TGFBR3: variants seen among roughly 807,000 people sequenced by gnomAD.
TGFBR3 encodes the protein transforming growth factor beta receptor 3, also known as transforming growth factor beta receptor type 3.
Under a neutral mutation model 87.9 loss-of-function variants are expected in TGFBR3, and 46 were observed. The observed-to-expected ratio is 0.52, with a 90% CI of 0.41 to 0.67. The LOEUF (loss-of-function observed/expected upper bound fraction) is 0.67. TGFBR3 is among the 30% of genes least tolerant of loss of function. The pLI is 0.00. For synonymous variants in TGFBR3, 381 were observed against 391.6 expected, an observed-to-expected ratio of 0.97 and a Z score of 0.32; for missense variants, 866 against 1,041.9, an observed-to-expected ratio of 0.83 and a Z score of 2.32.
chr1:91,804,957 G>A (rs536862451), intron 2 of TGFBR3, among the ~76,000 whole-genome samples: 3 of 152,334 alleles, frequency 2.0e-5, no homozygotes, highest in East Asian at 1.9e-4. Flanking sequence ...CAACCAGGGC[G>A]TGGACGATGA....
rs192200480 is a variant in TGFBR3 at position 91,755,278 on chromosome 1, A to G, written c.384+3335T>C. 3.4e-3 allele frequency among the ~76,000 whole-genome samples: 519 copies of G among 152,286 alleles called. 4 individuals are homozygous for G. Among genetic ancestry groups the G allele is most frequent in the African/African-American group, 0.012 (494 of 41,570 alleles). On this transcript the variant is annotated intron_variant, in intron 4 of 16. Transcript: ENST00000212355. ...CAAAGGCTATCAAGGAGATGAGGAG[A>G]AACTAAAATTCATTTCAGGCCACAG...
chr1:91,765,625 C>G (rs919080522), intron 3 of TGFBR3, among the ~76,000 whole-genome samples: 1 of 151,706 alleles, frequency 6.6e-6, no homozygotes, highest in African/African-American at 2.4e-5. Flanking sequence ...CCATAAAAGG[C>G]AAAGAAAAGA....
chr1:91,688,265 GTATC>G (rs887212839), intron 16 of TGFBR3, among the ~76,000 whole-genome samples: 6 of 152,240 alleles, frequency 3.9e-5, no homozygotes, highest in African/African-American at 1.4e-4. Context: ...GTTTTCTGTG[GTATC>G]TTCCCTGCCT....
chr1:91,835,771 T>C (rs2011136805), intron 2 of TGFBR3, among the ~76,000 whole-genome samples: 1 of 134,392 alleles, frequency 7.4e-6, no homozygotes, highest in South Asian at 2.4e-4. Context: ...GAGCTTGCAG[T>C]GAGCCGAGAT....
In TGFBR3 at chr1:91,886,019, G is replaced by C. The variant is rs540662675; in HGVS notation, c.-255C>G. On this transcript the variant is annotated 5_prime_UTR_variant, in exon 1 of 17. Transcript: ENST00000212355. The stretch of plus-strand genomic sequence containing the variant: ...AAAACTACGCCATCCGGACCCGCTG[G>C]GGACTCTCACCTCCTGCAGGGAGCT... 2.2e-4 allele frequency: 101 copies of C among 453,818 alleles called. 2 individuals are homozygous for C. The highest frequency in any genetic ancestry group is 1.5e-3 in the South Asian group (98 of 64,428). The allele number at this position is 453,818 out of a possible 1,614,324, so 28.1% of individuals were successfully genotyped here. A position where few individuals can be genotyped will look rare whatever the true frequency, so the allele number is the denominator to read the frequency against.
At chr1:91,724,182 T>A (rs1342233335) in intron 7 of TGFBR3, among the ~76,000 whole-genome samples, 1 of 151,806 alleles carries the variant, frequency 6.6e-6, no homozygotes, top group Non-Finnish European at 1.5e-5. Context: ...TAGCTCTTAC[T>A]CCAATTCAGA....
intron 16 of TGFBR3, 123 bp downstream of exon 16, chr1:91,695,549 T>A: frequency 1.2e-6 from 1 of 861,086 alleles, no homozygotes; most frequent in Non-Finnish European, 1.9e-6. Context: ...AATATGTAAA[T>A]GTAAAAATAG....
intron 2 of TGFBR3, among the ~76,000 whole-genome samples, chr1:91,832,718 C>T (rs1404944018): frequency 2.0e-5 from 3 of 152,134 alleles, no homozygotes; most frequent in African/African-American, 4.8e-5. Context: ...AACTCTGAAT[C>T]GGGGTCACGC....
At chr1:91,698,055 G>A in intron 15 of TGFBR3, 34 bp downstream of exon 15, 1 of 1,606,406 alleles carries the variant, frequency 6.2e-7, no homozygotes, top group Non-Finnish European at 8.5e-7. Flanking sequence ...AAGCCCAGGA[G>A]GTTTTATTTC....
intron 3 of TGFBR3, among the ~76,000 whole-genome samples, chr1:91,779,871 A>C (rs1674700691): frequency 6.6e-6 from 1 of 152,186 alleles, no homozygotes; most frequent in South Asian, 2.1e-4. Flanking sequence ...TTGCTAGGCC[A>C]AAACCAAGGT....
At chr1:91,897,994 C>G (rs776916732) in intron 2 of TGFBR3, among the ~76,000 whole-genome samples, 1 of 151,354 alleles carries the variant, frequency 6.6e-6, no homozygotes, top group African/African-American at 2.4e-5. Flanking sequence ...TCAAGACCAG[C>G]CTGGGCAATA....
At chr1:91,722,543 T>A (rs761006007) in intron 7 of TGFBR3, among the ~76,000 whole-genome samples, 1 of 152,080 alleles carries the variant, frequency 6.6e-6, no homozygotes, top group African/African-American at 2.4e-5. Flanking sequence ...CAAACAGACA[T>A]GTTATATTGC....
intron 2 of TGFBR3, among the ~76,000 whole-genome samples, chr1:91,835,827 C>CAAAAAAAAAAAAAAAAAAA (rs57326419): frequency 1.3e-5 from 1 of 74,776 alleles, no homozygotes; most frequent in Non-Finnish European, 2.9e-5. Flanking sequence ...GACTCCACCT[C>CAAAAAAAAAAAAAAAAAAA]AAAAAAAAAA....
intron 6 of TGFBR3, among the ~76,000 whole-genome samples, chr1:91,729,355 G>C (rs959807989): frequency 2.0e-5 from 3 of 151,990 alleles, no homozygotes; most frequent in African/African-American, 7.3e-5. Flanking sequence ...GCGCTCTAAG[G>C]ACACCACAAA....
intron 2 of TGFBR3, among the ~76,000 whole-genome samples, chr1:91,798,585 G>A (rs1239305991): frequency 1.3e-5 from 2 of 152,072 alleles, no homozygotes; most frequent in Non-Finnish European, 2.9e-5. Flanking sequence ...CTCTTTCTCT[G>A]CCCTCCCGCA....
At position 91,778,951 on chromosome 1, in the gene TGFBR3, G is replaced by A. The variant is rs943520286; in HGVS notation, c.246+18336C>T. On this transcript the variant is annotated intron_variant, in intron 3 of 16. Transcript: ENST00000212355. ...GGTAATGGCAAAGCAGGGACTGGGT[G>A]AAGGCAGCCACATGAGTAACTGGGA... 5.9e-5 allele frequency among the ~76,000 whole-genome samples: 9 copies of A among 152,188 alleles called. 1 individual carries two copies. Among genetic ancestry groups the A allele is most frequent in the African/African-American group, 2.2e-4 (9 of 41,438 alleles).
At chr1:91,778,534 G>A (rs748403573) in intron 3 of TGFBR3, among the ~76,000 whole-genome samples, 5 of 152,076 alleles carry the variant, frequency 3.3e-5, no homozygotes, top group Non-Finnish European at 5.9e-5. Flanking sequence ...ATTACTTTAT[G>A]CCCAAGCCAT....
intron 2 of TGFBR3, among the ~76,000 whole-genome samples, chr1:91,800,348 GTGTGTGTA>G (rs1675571216): frequency 6.7e-6 from 1 of 148,754 alleles, no homozygotes. Context: ...GTGTGTGTGT[GTGTGTGTA>G]TATAAAAGCA....
chr1:91,807,644 G>C (rs1675882597), intron 2 of TGFBR3, among the ~76,000 whole-genome samples: 1 of 152,192 alleles, frequency 6.6e-6, no homozygotes, highest in Non-Finnish European at 1.5e-5. Context: ...ATCTAAACAA[G>C]ATACCACTAT....
Sources: gnomAD v4.1 joint callset for allele counts (sites outside exome capture counted in the v4.1 genomes callset) on GRCh38, gnomAD v4.1.1 for gene constraint, MANE v1.5 for transcripts, NCBI Gene and HGNC (gene_info 2026-07-23, HGNC 2026-07-21) for gene names.